The following COL8A1 variants were observed in gnomAD, a reference collection of about 807,000 sequenced individuals.
COL8A1 encodes the protein collagen type VIII alpha 1 chain.
COL8A1 carries 21 observed loss-of-function variants against 42.7 expected under a neutral mutation model. That is an observed-to-expected ratio of 0.49 (90% CI 0.35 to 0.71). COL8A1 has a LOEUF of 0.71. COL8A1 is among the 30% of genes least tolerant of loss of function. The pLI is 0.01. For missense variants in COL8A1, 788 were observed against 962.4 expected (o/e 0.82, Z 2.40); for synonymous variants, 367 against 369.1 (o/e 0.99, Z 0.06).
At chr3:99,763,972 A>C (rs145597077) in intron 2 of COL8A1, among the ~76,000 whole-genome samples, 35 of 152,310 alleles carry the variant, frequency 2.3e-4, no homozygotes, top group African/African-American at 7.5e-4. Context: ...GGCTTCCCCA[A>C]GTAACCATGC....
chr3:99,773,815 G>GTGTATATATATATATATATA (rs1403823634), intron 2 of COL8A1, among the ~76,000 whole-genome samples: 2 of 35,914 alleles, frequency 5.6e-5, no homozygotes, highest in Non-Finnish European at 1.0e-4. Flanking sequence ...ATATATGTGT[G>GTGTATATATATATATATATA]TATATATATA....
intron 1 of COL8A1, among the ~76,000 whole-genome samples, chr3:99,663,246 G>C (rs947098372): frequency 6.6e-6 from 1 of 152,138 alleles, no homozygotes; most frequent in Non-Finnish European, 1.5e-5. Flanking sequence ...GCTCACTGCA[G>C]CCTCGAACTC....
intron 2 of COL8A1, among the ~76,000 whole-genome samples, chr3:99,760,077 C>T (rs142945010): frequency 6.6e-6 from 1 of 151,884 alleles, no homozygotes; most frequent in East Asian, 1.9e-4. Context: ...AAATGTCAGA[C>T]AGTGAATATT....
intron 2 of COL8A1, among the ~76,000 whole-genome samples, chr3:99,779,078 T>C (rs1262024148): frequency 6.6e-6 from 1 of 152,240 alleles, no homozygotes; most frequent in Non-Finnish European, 1.5e-5. Flanking sequence ...TAACCTTTTG[T>C]ATTTCAACAA....
At chr3:99,706,364 G>GT (rs1455674451) in intron 1 of COL8A1, among the ~76,000 whole-genome samples, 2 of 152,108 alleles carry the variant, frequency 1.3e-5, no homozygotes, top group African/African-American at 2.4e-5. Context: ...TCCCAGAGTG[G>GT]TTTTTTTCTA....
At chr3:99,672,802 G>A (rs1938585353) in intron 1 of COL8A1, among the ~76,000 whole-genome samples, 1 of 152,016 alleles carries the variant, frequency 6.6e-6, no homozygotes, top group South Asian at 2.1e-4. Flanking sequence ...ACACCTGTAT[G>A]CTGATTATTC....
chr3:99,728,294 T>C (rs1363458510), intron 1 of COL8A1, among the ~76,000 whole-genome samples: 1 of 152,104 alleles, frequency 6.6e-6, no homozygotes, highest in African/African-American at 2.4e-5. Flanking sequence ...TTCAGCAAAG[T>C]CTCAGGATCT....
chr3:99,674,209 G>A (rs184814018), intron 1 of COL8A1, among the ~76,000 whole-genome samples: 17 of 151,884 alleles, frequency 1.1e-4, no homozygotes, highest in Admixed American at 3.3e-4. Flanking sequence ...GAAATCTCTC[G>A]GGAATGGAGG....
intron 1 of COL8A1, among the ~76,000 whole-genome samples, chr3:99,707,533 G>C (rs934589174): frequency 2.0e-5 from 3 of 152,178 alleles, no homozygotes; most frequent in African/African-American, 7.2e-5. Context: ...TCCCTGACAA[G>C]CATGGCAGGT....
At chr3:99,644,994 G>A (rs1455337868) in intron 1 of COL8A1, among the ~76,000 whole-genome samples, 3 of 152,182 alleles carry the variant, frequency 2.0e-5, no homozygotes, top group African/African-American at 4.8e-5. Flanking sequence ...GCAGCAGAGG[G>A]GTTAAGTTGC....
chr3:99,659,334 G>A (rs1938129667), intron 1 of COL8A1, among the ~76,000 whole-genome samples: 1 of 152,178 alleles, frequency 6.6e-6, no homozygotes, highest in South Asian at 2.1e-4. Context: ...TCTCACGGCT[G>A]CCTCCCCTTC....
chr3:99,694,702 T>G (rs1027277137), intron 1 of COL8A1, among the ~76,000 whole-genome samples: 2 of 152,244 alleles, frequency 1.3e-5, no homozygotes, highest in Non-Finnish European at 2.9e-5. Context: ...CAAATCTTTG[T>G]ACCTTTGAGG....
intron 1 of COL8A1, among the ~76,000 whole-genome samples, chr3:99,675,248 C>T (rs9872469): frequency 0.034 from 5,213 of 152,104 alleles, 149 homozygotes; most frequent in East Asian, 0.063. Flanking sequence ...TTGAAGCTCC[C>T]TCAGAGATCT....
At chr3:99,740,584 A>G (rs1460538659) in intron 1 of COL8A1, among the ~76,000 whole-genome samples, 1 of 152,206 alleles carries the variant, frequency 6.6e-6, no homozygotes, top group Non-Finnish European at 1.5e-5. Context: ...CACTGTCACA[A>G]GAACAGCATG....
intron 1 of COL8A1, among the ~76,000 whole-genome samples, chr3:99,735,038 A>T (rs1319726310): frequency 6.6e-6 from 1 of 151,720 alleles, no homozygotes; most frequent in East Asian, 1.9e-4. Context: ...TATCAGCTTA[A>T]GGAGATTTTG....
Position 99,662,040 on chromosome 3 carries a change from C to T in COL8A1, c.-129+23376C>T, listed in dbSNP as rs898109599. ...TGAAGAGTTCTGGAGCTTGGTTGCA[C>T]AGCTATATTAATATATTTATCACCA... On this transcript the variant is annotated intron_variant, in intron 1 of 3. Coordinates refer to ENST00000652472, the MANE Select transcript of COL8A1 (RefSeq NM_020351.4). 3.9e-5 allele frequency among the ~76,000 whole-genome samples: 6 copies of T among 152,220 alleles called. No individual in the cohort carries two copies. In the East Asian group the frequency reaches 1.2e-3, roughly 29 times the overall value.
chr3:99,639,054 A>G (rs1559764654), intron 1 of COL8A1, among the ~76,000 whole-genome samples: 1 of 152,204 alleles, frequency 6.6e-6, no homozygotes, highest in Non-Finnish European at 1.5e-5. Flanking sequence ...GAACACAGTT[A>G]ACTTCCTAAA....
intron 1 of COL8A1, among the ~76,000 whole-genome samples, chr3:99,714,203 G>A (rs1271545482): frequency 6.6e-6 from 1 of 152,076 alleles, no homozygotes; most frequent in Admixed American, 6.6e-5. Flanking sequence ...TGTAATGCAA[G>A]TAGCTCTATC....
chr3:99,760,459 C>A (rs1941345789), intron 2 of COL8A1, among the ~76,000 whole-genome samples: 1 of 152,098 alleles, frequency 6.6e-6, no homozygotes, highest in Non-Finnish European at 1.5e-5. Context: ...AATTTTGCTG[C>A]CCCCTCTCCC....
Sources: gnomAD v4.1 joint callset for allele counts (sites outside exome capture counted in the v4.1 genomes callset) on GRCh38, gnomAD v4.1.1 for gene constraint, MANE v1.5 for transcripts, NCBI Gene and HGNC (gene_info 2026-07-23, HGNC 2026-07-21) for gene names.